The following GMDS variants were observed in gnomAD, a reference collection of about 807,000 sequenced individuals.
GMDS encodes the protein GDP-mannose 4,6 dehydratase.
In GMDS, 20 loss-of-function variants were observed where a neutral mutation model predicts 49.9. The observed-to-expected ratio is 0.40, with a 90% CI of 0.28 to 0.58. GMDS has a LOEUF of 0.58. Among genes scored for constraint, GMDS ranks in the 20% least tolerant of loss-of-function variants. The probability of loss-of-function intolerance (pLI) is 0.42; values close to 1 mark genes in which losing one functional copy is unlikely to be tolerated. For synonymous variants in GMDS, 177 were observed against 178.6 expected, an observed-to-expected ratio of 0.99 and a Z score of 0.07; for missense variants, 362 against 481.4, an observed-to-expected ratio of 0.75 and a Z score of 2.32.
At chr6:1,681,452 T>A (rs1371776179) in intron 9 of GMDS, among the ~76,000 whole-genome samples, 22 of 152,170 alleles carry the variant, frequency 1.4e-4, no homozygotes, top group Non-Finnish European at 3.1e-4. Context: ...TCTGAGGTTG[T>A]AAGAAATTAT....
At chr6:1,729,717 G>T (rs547295973) in intron 8 of GMDS, among the ~76,000 whole-genome samples, 1 of 152,226 alleles carries the variant, frequency 6.6e-6, no homozygotes. Context: ...AGAGGATTCG[G>T]TTAATTAACA....
chr6:1,822,688 T>G (rs187056126), intron 7 of GMDS, among the ~76,000 whole-genome samples: 3,711 of 152,230 alleles, frequency 0.024, 140 homozygotes, highest in African/African-American at 0.085. Context: ...AAACCAAAAG[T>G]AGAAGCATGT....
intron 4 of GMDS, among the ~76,000 whole-genome samples, chr6:2,039,200 A>T (rs1769496431): frequency 6.6e-6 from 1 of 152,198 alleles, no homozygotes; most frequent in South Asian, 2.1e-4. Context: ...GTACAGTACA[A>T]GAGATGAAAA....
chr6:2,200,350 C>T (rs945285023), intron 1 of GMDS, among the ~76,000 whole-genome samples: 26 of 151,584 alleles, frequency 1.7e-4, no homozygotes, highest in Middle Eastern at 3.4e-3. Context: ...CGAGATGAAA[C>T]AATCTAGGCA....
chr6:1,706,664 G>A (rs536822443), intron 9 of GMDS, among the ~76,000 whole-genome samples: 7 of 152,350 alleles, frequency 4.6e-5, no homozygotes, highest in East Asian at 1.9e-4. Flanking sequence ...AGCACGAGGC[G>A]TCCGCAGCAC....
chr6:1,822,125 C>T (rs1244170186), intron 7 of GMDS, among the ~76,000 whole-genome samples: 1 of 152,186 alleles, frequency 6.6e-6, no homozygotes, highest in East Asian at 1.9e-4. Flanking sequence ...ACTTCTTGTT[C>T]ACTGAGTCCT....
intron 4 of GMDS, among the ~76,000 whole-genome samples, chr6:2,084,984 A>G (rs1428394756): frequency 6.6e-6 from 1 of 152,192 alleles, no homozygotes; most frequent in Admixed American, 6.5e-5. Flanking sequence ...TCAGTACCAA[A>G]TTTAGCAACC....
chr6:1,903,782 TC>T (rs1471687865), intron 7 of GMDS, among the ~76,000 whole-genome samples: 1 of 152,078 alleles, frequency 6.6e-6, no homozygotes, highest in Non-Finnish European at 1.5e-5. Context: ...TACGGGCGCC[TC>T]CCTCCCCTCA....
intron 7 of GMDS, among the ~76,000 whole-genome samples, chr6:1,853,290 G>A (rs867901821): frequency 2.0e-5 from 3 of 151,356 alleles, no homozygotes; most frequent in African/African-American, 7.3e-5. Context: ...AGGCCGAGGC[G>A]GGCGGATCAC....
At chr6:2,019,108 C>A (rs1476877892) in intron 4 of GMDS, among the ~76,000 whole-genome samples, 2 of 150,832 alleles carry the variant, frequency 1.3e-5, no homozygotes, top group Non-Finnish European at 3.0e-5. Flanking sequence ...GCTTATTGAC[C>A]ACTGAGAGTG....
At chr6:2,150,646 A>G (rs1776797265) in intron 1 of GMDS, among the ~76,000 whole-genome samples, 1 of 152,216 alleles carries the variant, frequency 6.6e-6, no homozygotes, top group South Asian at 2.1e-4. Flanking sequence ...ACCTATAAGA[A>G]GCAATTATTT....
At chr6:2,234,376 G>A (rs1053587811) in intron 1 of GMDS, among the ~76,000 whole-genome samples, 25 of 152,174 alleles carry the variant, frequency 1.6e-4, no homozygotes, top group African/African-American at 5.3e-4. Context: ...GGGAGGCCGA[G>A]GCAGGCAGAT....
chr6:2,216,464 T>C (rs990853190), intron 1 of GMDS, among the ~76,000 whole-genome samples: 1 of 152,240 alleles, frequency 6.6e-6, no homozygotes, highest in Non-Finnish European at 1.5e-5. Context: ...TATGAACCTC[T>C]AAGATTACAT....
chr6:1,899,723 G>C (rs1020391866), intron 7 of GMDS, among the ~76,000 whole-genome samples: 2 of 152,342 alleles, frequency 1.3e-5, no homozygotes, highest in East Asian at 3.9e-4. Context: ...ATGAAACGCT[G>C]CATCATTTGG....
chr6:1,973,278 C>A (rs1304636360), intron 4 of GMDS, among the ~76,000 whole-genome samples: 1 of 152,296 alleles, frequency 6.6e-6, no homozygotes, highest in Admixed American at 6.5e-5. Flanking sequence ...TACACACAAT[C>A]AAAAATTAAA....
chr6:1,768,219 A>G (rs1312089406), intron 7 of GMDS, among the ~76,000 whole-genome samples: 1 of 152,242 alleles, frequency 6.6e-6, no homozygotes, highest in African/African-American at 2.4e-5. Flanking sequence ...GGGAATATCT[A>G]ATGTCACTTC....
chr6:1,928,228 C>T (rs1056708454), intron 7 of GMDS, among the ~76,000 whole-genome samples: 2 of 151,946 alleles, frequency 1.3e-5, no homozygotes, highest in African/African-American at 4.8e-5. Context: ...AGCTGGGCGT[C>T]GTGGTACGCG....
intron 4 of GMDS, among the ~76,000 whole-genome samples, chr6:2,002,520 G>T (rs1366457734): frequency 6.6e-6 from 1 of 152,210 alleles, no homozygotes; most frequent in African/African-American, 2.4e-5. Flanking sequence ...TTAATCTGAA[G>T]TTGAGGAGTT....
intron 1 of GMDS, among the ~76,000 whole-genome samples, chr6:2,138,774 A>G (rs567496346): frequency 1.3e-5 from 2 of 152,336 alleles, no homozygotes; most frequent in South Asian, 2.1e-4. Flanking sequence ...TCAATTCTTC[A>G]TTGACCTTTG....
Sources: gnomAD v4.1 joint callset for allele counts (sites outside exome capture counted in the v4.1 genomes callset) on GRCh38, gnomAD v4.1.1 for gene constraint, MANE v1.5 for transcripts, NCBI Gene and HGNC (gene_info 2026-07-23, HGNC 2026-07-21) for gene names.